The following CNST variants were observed in gnomAD, a reference collection of about 807,000 sequenced individuals.
CNST encodes consortin, connexin sorting protein, also known as consortin.
In CNST, 39 loss-of-function variants were observed where a neutral mutation model predicts 72.4. The observed-to-expected ratio is 0.54, with a 90% CI of 0.42 to 0.70. CNST has a LOEUF of 0.70. CNST is among the 30% of genes least tolerant of loss of function. The probability of loss-of-function intolerance (pLI) is 0.00; values close to 1 mark genes in which losing one functional copy is unlikely to be tolerated. For synonymous variants in CNST, 332 were observed against 320.1 expected, an observed-to-expected ratio of 1.04 and a Z score of -0.40; for missense variants, 871 against 868.5, an observed-to-expected ratio of 1.00 and a Z score of -0.04.
At chr1:246,665,297 C>T (rs1667341819) in intron 10 of CNST, among the ~76,000 whole-genome samples, 1 of 152,194 alleles carries the variant, frequency 6.6e-6, no homozygotes, top group South Asian at 2.1e-4. Context: ...TACTTGAGCC[C>T]AGGTGTCAGG....
Sources: gnomAD v4.1 joint callset for allele counts (sites outside exome capture counted in the v4.1 genomes callset) on GRCh38, gnomAD v4.1.1 for gene constraint, MANE v1.5 for transcripts, NCBI Gene and HGNC (gene_info 2026-07-23, HGNC 2026-07-21) for gene names.